The following PVT1 variants were observed in gnomAD, a reference collection of about 807,000 sequenced individuals.
PVT1 encodes the protein CXCR4/PVT1 fusion.
At chr8:127,933,931 G>A (rs751457200) in intron 3 of PVT1, among the ~76,000 whole-genome samples, 37 of 152,216 alleles carry the variant, frequency 2.4e-4, no homozygotes, top group Non-Finnish European at 8.8e-5. Context: ...AATGAGATGG[G>A]CATTTGAAGC....
At chr8:127,838,101 TAGTC>T (rs1189835671) in intron 2 of PVT1, among the ~76,000 whole-genome samples, 1 of 151,954 alleles carries the variant, frequency 6.6e-6, no homozygotes, top group African/African-American at 2.4e-5. Context: ...TTCTCTGTGT[TAGTC>T]AGGCTGGTCT....
intron 4 of PVT1, among the ~76,000 whole-genome samples, chr8:128,023,610 A>T (rs1817462418): frequency 6.6e-6 from 1 of 152,244 alleles, no homozygotes; most frequent in Non-Finnish European, 1.5e-5. Context: ...GAATGGTCTT[A>T]TAAGGATAAA....
chr8:127,898,824 T>TG lies in PVT1; in HGVS notation n.782+7831dup, dbSNP rs933668202. On this transcript the variant is annotated intron_variant and non_coding_transcript_variant, in intron 3 of 10. Coordinates refer to ENST00000651587, the Ensembl canonical transcript of PVT1. The surrounding 1 kb of genome is among the most constrained non-coding windows in gnomAD (Gnocchi z 4.4). The stretch of plus-strand genomic sequence containing the variant: ...GGATTTCCAGTGCAGTTGCTGGGGA[T>TG]GGGGGTCTTTCCCTCTCATCTGTCT... Among the ~76,000 whole-genome samples the TG allele has an allele frequency of 1.3e-5, 2 of 152,166 alleles. No individual in the cohort carries two copies. Among genetic ancestry groups the TG allele is most frequent in the African/African-American group, 4.8e-5 (2 of 41,438 alleles).
At chr8:127,961,762 GT>G (rs568819761) in intron 3 of PVT1, among the ~76,000 whole-genome samples, 1 of 152,228 alleles carries the variant, frequency 6.6e-6, no homozygotes, top group Non-Finnish European at 1.5e-5. Context: ...TCCTTCCATG[GT>G]GTTCCTCTTT....
At chr8:128,008,313 A>G (rs1374694552) in intron 4 of PVT1, among the ~76,000 whole-genome samples, 2 of 152,218 alleles carry the variant, frequency 1.3e-5, no homozygotes, top group Non-Finnish European at 2.9e-5. Flanking sequence ...AGATGTGAGA[A>G]CAAAAGTGTC....
At chr8:127,810,670 T>A (rs1681966691) in intron 2 of PVT1, among the ~76,000 whole-genome samples, 1 of 152,244 alleles carries the variant, frequency 6.6e-6, no homozygotes. Context: ...AATGAAATGA[T>A]TCTTCCAGAC....
chr8:128,023,401 C>CA (rs377142592), intron 4 of PVT1, among the ~76,000 whole-genome samples: 37 of 152,296 alleles, frequency 2.4e-4, no homozygotes, highest in African/African-American at 8.9e-4. Flanking sequence ...CCTACTTGAC[C>CA]ACGCAGATAT....
At chr8:127,983,675 C>G (rs1015909764) in intron 3 of PVT1, among the ~76,000 whole-genome samples, 1 of 152,086 alleles carries the variant, frequency 6.6e-6, no homozygotes, top group Non-Finnish European at 1.5e-5. Context: ...CCAAGGATAA[C>G]GACATTCTTT....
At chr8:127,991,243 C>T (rs1039997181) in intron 4 of PVT1, among the ~76,000 whole-genome samples, 1 of 150,264 alleles carries the variant, frequency 6.7e-6, no homozygotes, top group Non-Finnish European at 1.5e-5. Flanking sequence ...CCCGGGTTCA[C>T]GCCATTCTCC....
At chr8:127,879,483 C>G (rs1815440668) in intron 2 of PVT1, among the ~76,000 whole-genome samples, 1 of 152,184 alleles carries the variant, frequency 6.6e-6, no homozygotes, top group South Asian at 2.1e-4. Flanking sequence ...GAGCTGAGAT[C>G]ACGCCACTGC....
intron 2 of PVT1, among the ~76,000 whole-genome samples, chr8:127,888,320 CTGTGCAT>C (rs1815552397): frequency 6.6e-6 from 1 of 152,168 alleles, no homozygotes; most frequent in African/African-American, 2.4e-5. Context: ...GTGTGTGGCT[CTGTGCAT>C]TGTGGGCAGG....
Position 127,937,580 on chromosome 8 carries a change from C to CAGAGAG in PVT1, n.782+46606_782+46611dup, listed in dbSNP as rs1554598547. ...ACACACACACACACACACACACACA[C>CAGAGAG]AGAGAGAGAGAGAGAGAGAGAGAGA... On this transcript the variant is annotated intron_variant and non_coding_transcript_variant, in intron 3 of 10. Transcript: ENST00000651587. Among the ~76,000 whole-genome samples, 797 of 107,826 alleles carry CAGAGAG rather than the reference C, an allele frequency of 7.4e-3. 4 individuals are homozygous for CAGAGAG. The highest frequency in any genetic ancestry group is 9.8e-3 in the Non-Finnish European group (540 of 55,112). 70.7% of individuals were successfully genotyped at this position (107,826 alleles called of 152,430 possible).
At chr8:127,955,955 A>G (rs555127433) in intron 3 of PVT1, among the ~76,000 whole-genome samples, 7 of 152,348 alleles carry the variant, frequency 4.6e-5, no homozygotes, top group East Asian at 1.9e-4. Context: ...AAGATGCCCA[A>G]TTAGTTTCTG....
rs1046388517 is a variant in PVT1 at position 127,974,773 on chromosome 8, G to T, written n.783-14389G>T. Among the ~76,000 whole-genome samples, 5 of 152,130 alleles carry T rather than the reference G, an allele frequency of 3.3e-5. No homozygotes were observed. In the East Asian group the frequency reaches 5.8e-4, roughly 18 times the overall value. ...CATTGTATTTCCAAAGAATAGATAC[G>T]GGTGAGAAAACAAAATCAGTAACTC... On this transcript the variant is annotated intron_variant and non_coding_transcript_variant, in intron 3 of 10. Coordinates refer to ENST00000651587, the Ensembl canonical transcript of PVT1.
At chr8:128,090,357 T>C (rs1016531824) in intron 5 of PVT1, among the ~76,000 whole-genome samples, 1 of 152,224 alleles carries the variant, frequency 6.6e-6, no homozygotes, top group African/African-American at 2.4e-5. Flanking sequence ...GCAGACATAT[T>C]GATGCAGTTG....
At chr8:128,064,252 T>A (rs1223220004) in intron 4 of PVT1, among the ~76,000 whole-genome samples, 6 of 152,200 alleles carry the variant, frequency 3.9e-5, no homozygotes, top group Non-Finnish European at 7.3e-5. Flanking sequence ...GTTTGAGTAT[T>A]GTTTTCCGGG....
intron 3 of PVT1, among the ~76,000 whole-genome samples, chr8:127,937,576 C>CAGAGAGAGAG (rs774441674): frequency 0.14 from 16,292 of 118,946 alleles, 1,239 homozygotes; most frequent in Non-Finnish European, 0.19. Context: ...CACACACACA[C>CAGAGAGAGAG]ACACAGAGAG....
Position 127,978,331 on chromosome 8 carries a change from AT to A in PVT1, n.783-10822del, listed in dbSNP as rs964977147. ...CCATACCTGGCTAATTTAAAAAAAAATTTTTTTTTGTAGAGACAGTATCTCA... is the reference window on the plus strand; with the variant it reads ...CCATACCTGGCTAATTTAAAAAAAAATTTTTTTTGTAGAGACAGTATCTCA... On this transcript the variant is annotated intron_variant and non_coding_transcript_variant, in intron 3 of 10. Transcript: ENST00000651587. 8.0e-5 allele frequency among the ~76,000 whole-genome samples: 12 copies of A among 150,288 alleles called. No individual in the cohort carries two copies. The East Asian group carries it at 1.2e-3, about 15-fold the overall frequency.
chr8:128,006,666 A>C (rs950873545), intron 4 of PVT1, among the ~76,000 whole-genome samples: 2 of 152,308 alleles, frequency 1.3e-5, no homozygotes, highest in Middle Eastern at 3.4e-3. Context: ...TTCCATCATT[A>C]CTCCTACATT....
Sources: gnomAD v4.1 joint callset for allele counts (sites outside exome capture counted in the v4.1 genomes callset) on GRCh38, gnomAD v4.1.1 for gene constraint, Gnocchi (gnomAD v3.1) non-coding constraint, MANE v1.5 for transcripts, NCBI Gene and HGNC (gene_info 2026-07-23, HGNC 2026-07-21) for gene names.